Variants in CEACAM19 observed in about 807,000 individuals in gnomAD.
CEACAM19 encodes cell adhesion molecule CEACAM19.
In CEACAM19, 37 loss-of-function variants were observed where a neutral mutation model predicts 37.6. The observed-to-expected ratio is 0.98, with a 90% CI of 0.76 to 1.29. The LOEUF (loss-of-function observed/expected upper bound fraction) is 1.29. CEACAM19 is among the 50% of genes most tolerant of loss of function. The pLI, the probability that CEACAM19 is intolerant of heterozygous loss-of-function variation, is 0.00. For synonymous variants in CEACAM19, 140 were observed against 149.8 expected (o/e 0.93, Z 0.48); for missense variants, 340 against 375.6 (o/e 0.91, Z 0.78).
At chr19:44,683,078 C>CTG (rs904730084) in intron 7 of CEACAM19, 14 of 259,380 alleles carry the variant, frequency 5.4e-5, no homozygotes, top group African/African-American at 2.9e-4. Flanking sequence ...CTCTCTCTCT[C>CTG]TCTCTCAGTT....
upstream of CEACAM19, among the ~76,000 whole-genome samples, chr19:44,668,968 C>T (rs1291327259): frequency 4.7e-5 from 7 of 148,026 alleles, no homozygotes; most frequent in Admixed American, 7.0e-5. Context: ...TACAGGCATG[C>T]GCCACCACGG....
upstream of CEACAM19, among the ~76,000 whole-genome samples, chr19:44,668,081 TTATA>T (rs1226653625): frequency 1.2e-5 from 1 of 86,076 alleles, no homozygotes; most frequent in African/African-American, 5.0e-5. Context: ...ATAAATATAT[TTATA>T]TATTATATAT....
chr19:44,668,085 ATATT>A (rs1175695905), upstream of CEACAM19, among the ~76,000 whole-genome samples: 3 of 86,166 alleles, frequency 3.5e-5, no homozygotes, highest in African/African-American at 1.5e-4. Flanking sequence ...ATATATTTAT[ATATT>A]ATATATTTAT....
intron 7 of CEACAM19, 115 bp downstream of exon 7, chr19:44,682,735 C>T (rs1974085059): frequency 1.0e-6 from 1 of 956,528 alleles, no homozygotes; most frequent in Non-Finnish European, 1.5e-6. Flanking sequence ...CCCCTCGTCC[C>T]CCCAAGCCTC....
rs1973881595 is a variant in CEACAM19 at position 44,672,852 on chromosome 19, T to C, written c.312T>C (p.Asn104=). Residue 104 remains asparagine (N), a synonymous_variant, in exon 2 of 8, where the codon AAT becomes AAC. Coordinates refer to ENST00000358777, the MANE Select transcript of CEACAM19 (RefSeq NM_001127893.3). The part of the protein sequence containing the change: ...MGQRDIVGFP[N]GSMLLRRAQP... ...AGCGAGACATCGTGGGCTTCCCCAA[T>C]GGTTCCATGCTGCTGCGCCGCGCCC... The C allele has an allele frequency of 1.2e-6, 2 of 1,601,092 alleles. No homozygotes were observed. Among genetic ancestry groups the C allele is most frequent in the Non-Finnish European group, 1.7e-6 (2 of 1,172,954 alleles).
At chr19:44,669,271 A>C (rs1973818577), upstream of CEACAM19, among the ~76,000 whole-genome samples, 1 of 152,012 alleles carries the variant, frequency 6.6e-6, no homozygotes, top group East Asian at 1.9e-4. Flanking sequence ...GTTGAAAGCC[A>C]CCAAGCCTAC....
In CEACAM19 at chr19:44,682,558, C is replaced by T; in HGVS notation, c.793-9C>T. The stretch of plus-strand genomic sequence containing the variant: ...CGAGCGCCCACTCACCCGTGTCCTT[C>T]CCTTGCAGCCCCTGCCCACACCCCC... On this transcript the variant is annotated splice_polypyrimidine_tract_variant and intron_variant, in intron 6 of 7. Coordinates refer to ENST00000358777, the MANE Select transcript of CEACAM19 (RefSeq NM_001127893.3). The T allele has an allele frequency of 6.3e-7, 1 of 1,596,856 alleles. No homozygotes were observed.
chr19:44,672,943 A>C lies in CEACAM19; in HGVS notation c.403A>C (p.Lys135Gln). ...CAACTCTGAATGGACTATGAAGGCCAAGACTGAGGTCCAGGTAGCTGGTAA... is the reference window on the plus strand; with the variant it reads ...CAACTCTGAATGGACTATGAAGGCCCAGACTGAGGTCCAGGTAGCTGGTAA... ...TINSEWTMKAKTEVQVAEKNK... is the reference protein window; with the variant it reads ...TINSEWTMKAQTEVQVAEKNK... Residue 135 changes from lysine (K) to glutamine (Q), a missense_variant, in exon 2 of 8, where the codon AAG becomes CAG. Coordinates refer to ENST00000358777, the MANE Select transcript of CEACAM19 (RefSeq NM_001127893.3). 1 of 1,497,364 alleles carries C rather than the reference A, an allele frequency of 6.7e-7. No individual in the cohort carries two copies. 92.8% of individuals were successfully genotyped at this position (1,497,364 alleles called of 1,614,324 possible).
upstream of CEACAM19, among the ~76,000 whole-genome samples, chr19:44,666,685 A>G (rs1002252260): frequency 6.6e-6 from 1 of 151,954 alleles, no homozygotes; most frequent in Non-Finnish European, 1.5e-5. Context: ...TTCTGAGGGT[A>G]CTCTGACCCC....
At chr19:44,673,503 A>C (rs1973894042) in intron 2 of CEACAM19, among the ~76,000 whole-genome samples, 1 of 152,170 alleles carries the variant, frequency 6.6e-6, no homozygotes, top group Non-Finnish European at 1.5e-5. Flanking sequence ...TGTGCATTGC[A>C]GAGATTTCAG....
chr19:44,673,359 A>C (rs1216661013), intron 2 of CEACAM19, among the ~76,000 whole-genome samples: 1 of 152,180 alleles, frequency 6.6e-6, no homozygotes. Flanking sequence ...GGTGGTGGGC[A>C]ATAATGACAG....
At chr19:44,680,593 C>T (rs1018775160) in intron 5 of CEACAM19, among the ~76,000 whole-genome samples, 2 of 152,034 alleles carry the variant, frequency 1.3e-5, no homozygotes, top group Non-Finnish European at 1.5e-5. Context: ...CTCCACAGGC[C>T]ACTACCAGCC....
chr19:44,680,316 G>C lies in CEACAM19; in HGVS notation c.688G>C (p.Gly230Arg), dbSNP rs1441202507. ...GGCGACCACAGAGAAGCCAGAATTG[G>C]GCCCTGCTCATGATGCTGGTAAGGC... ...WMATTEKPELGPAHDAGDNNI... is the reference protein window; with the variant it reads ...WMATTEKPELRPAHDAGDNNI... Residue 230 changes from glycine to arginine, a missense_variant, in exon 5 of 8, where the codon GGC becomes CGC. Coordinates refer to ENST00000358777, the MANE Select transcript of CEACAM19 (RefSeq NM_001127893.3). 6.2e-7 allele frequency: 1 copy of C among 1,609,660 alleles called. No individual in the cohort carries two copies. Among genetic ancestry groups the C allele is most frequent in the Admixed American group, 1.7e-5 (1 of 59,772 alleles).
At chr19:44,667,759 TTA>T (rs1276263599), upstream of CEACAM19, among the ~76,000 whole-genome samples, 599 of 74,788 alleles carry the variant, frequency 8.0e-3, 15 homozygotes, top group African/African-American at 0.033. Flanking sequence ...ATTATATAAA[TTA>T]TATATATTTA....
upstream of CEACAM19, among the ~76,000 whole-genome samples, chr19:44,670,425 A>G (rs561113139): frequency 2.0e-5 from 3 of 152,136 alleles, no homozygotes; most frequent in South Asian, 6.2e-4. Flanking sequence ...CTATACTCCT[A>G]GTACTTTGGG....
intron 1 of CEACAM19, 66 bp downstream of exon 1, chr19:44,672,052 T>C: frequency 1.5e-6 from 2 of 1,348,626 alleles, no homozygotes; most frequent in South Asian, 2.5e-5. Context: ...GATTGAAGTT[T>C]CCTCTTAGAA....
chr19:44,680,353 A>C lies in CEACAM19; in HGVS notation c.706+19A>C. On this transcript the variant is annotated intron_variant, in intron 5 of 7. Coordinates refer to ENST00000358777, the MANE Select transcript of CEACAM19 (RefSeq NM_001127893.3). ...GATGCTGGTAAGGCGGGAGCCCCAG[A>C]TCTCACTACCTAGCCCTCCTCTCAG... 1 of 1,605,392 alleles carries C rather than the reference A, an allele frequency of 6.2e-7. No homozygotes were observed. Among genetic ancestry groups the C allele is most frequent in the African/African-American group, 1.3e-5 (1 of 74,338 alleles).
Position 44,683,947 on chromosome 19 carries a change from A to G in CEACAM19, c.*457A>G, listed in dbSNP as rs1392075003. 1 of 154,196 alleles carries G rather than the reference A, an allele frequency of 6.5e-6. No individual in the cohort carries two copies. The highest frequency in any genetic ancestry group is 2.4e-5 in the African/African-American group (1 of 41,530). 9.6% of individuals were successfully genotyped at this position (154,196 alleles called of 1,614,324 possible). On this transcript the variant is annotated 3_prime_UTR_variant, in exon 8 of 8. Transcript: ENST00000358777. ...CTTAGGACAAGGCAGACACCCCACC[A>G]TGCGGGCCTCAGGTGGCAGAGAGGC... is the stretch of plus-strand genomic sequence containing the variant.
At chr19:44,679,804 C>T (rs1481000939) in intron 4 of CEACAM19, among the ~76,000 whole-genome samples, 1 of 151,020 alleles carries the variant, frequency 6.6e-6, no homozygotes, top group African/African-American at 2.4e-5. Flanking sequence ...GTGGCACACA[C>T]CTGTAATCCC....
Sources: allele counts gnomAD v4.1 joint callset (sites outside exome capture counted in the v4.1 genomes callset), GRCh38; gene constraint gnomAD v4.1.1; transcripts MANE v1.5; gene names NCBI Gene and HGNC (gene_info 2026-07-23, HGNC 2026-07-21).